The following TRAM2 variants were observed in gnomAD, a reference collection of about 807,000 sequenced individuals.
TRAM2 encodes translocating chain-associated membrane protein 2.
A neutral mutation model predicts 51.0 loss-of-function variants in TRAM2; 12 were observed. That is an observed-to-expected ratio of 0.24 (90% CI 0.15 to 0.38). The LOEUF is 0.38. Ranked by LOEUF, TRAM2 falls within the 10% of genes least tolerant of loss-of-function variation. The pLI is 1.00. For synonymous variants in TRAM2, 175 were observed against 179.4 expected (o/e 0.98, Z 0.20); for missense variants, 361 against 462.0 (o/e 0.78, Z 2.00).
At chr6:52,546,919 G>A (rs145443675) in intron 1 of TRAM2, among the ~76,000 whole-genome samples, 121 of 152,316 alleles carry the variant, frequency 7.9e-4, no homozygotes, top group Non-Finnish European at 1.2e-3. Context: ...CTACAACAGC[G>A]CTTGGCACAT....
intron 2 of TRAM2, among the ~76,000 whole-genome samples, chr6:52,526,550 C>T (rs191381112): frequency 1.3e-5 from 2 of 152,006 alleles, no homozygotes; most frequent in East Asian, 3.9e-4. Context: ...CCACACCCAG[C>T]TAATTTTTTT....
At chr6:52,569,346 C>T (rs1767640182) in intron 1 of TRAM2, among the ~76,000 whole-genome samples, 2 of 147,760 alleles carry the variant, frequency 1.4e-5, no homozygotes. Flanking sequence ...GCCAAGATTG[C>T]ACCACTGTAC....
chr6:52,571,281 G>A (rs1581705334), intron 1 of TRAM2, among the ~76,000 whole-genome samples: 1 of 152,202 alleles, frequency 6.6e-6, no homozygotes, highest in Admixed American at 6.5e-5. Context: ...GGAATGAGAG[G>A]TACATCAGCT....
chr6:52,573,859 G>C (rs1767720597), intron 1 of TRAM2, among the ~76,000 whole-genome samples: 2 of 152,178 alleles, frequency 1.3e-5, no homozygotes, highest in African/African-American at 4.8e-5. Flanking sequence ...GTGGGCTGAT[G>C]GGGGAGAGGG....
At chr6:52,517,971 C>T (rs975012778) in intron 2 of TRAM2, among the ~76,000 whole-genome samples, 1 of 152,170 alleles carries the variant, frequency 6.6e-6, no homozygotes, top group Non-Finnish European at 1.5e-5. Flanking sequence ...CCTTTTTCCT[C>T]TCCCTCTTCC....
At chr6:52,561,983 CTAAAAATCACTGTATCATACACTT>C (rs67973455) in intron 1 of TRAM2, among the ~76,000 whole-genome samples, 65,664 of 150,984 alleles carry the variant, frequency 0.43, 14,458 homozygotes, top group Admixed American at 0.56. Flanking sequence ...GGTGAATACA[CTAAAAATCACTGTATCATACACTT>C]TAAAAATCAC....
rs1291456603 is a variant in TRAM2 at position 52,516,015 on chromosome 6, C to G, written c.402G>C (p.Val134=). 1 of 1,614,028 alleles carries G rather than the reference C, an allele frequency of 6.2e-7. No individual in the cohort carries two copies. Among genetic ancestry groups the G allele is most frequent in the Non-Finnish European group, 8.5e-7 (1 of 1,180,004 alleles). ...CCTGAGAATGGCTCACCGTCACCAC[C>G]ACGTAGAAGCACCAAATCACCGAGG... ...HFTSVIWCFY[V]VVTEGYLTNP... Residue 134 remains valine (V), a synonymous_variant, in exon 4 of 11, where the codon GTG becomes GTC. Transcript: ENST00000182527.
chr6:52,548,300 A>C (rs1241545032), intron 1 of TRAM2, among the ~76,000 whole-genome samples: 5 of 152,230 alleles, frequency 3.3e-5, no homozygotes, highest in Non-Finnish European at 7.3e-5. Flanking sequence ...TCTTCTTTGA[A>C]TATTTACTGC....
chr6:52,509,604 A>AGAGACCGGGCAAGAAG lies in TRAM2; in HGVS notation c.412-19_412-18insCTTCTTGCCCGGTCTC. 3 of 1,613,678 alleles carry AGAGACCGGGCAAGAAG rather than the reference A, an allele frequency of 1.9e-6. No individual in the cohort carries two copies. The highest frequency in any genetic ancestry group is 2.5e-6 in the Non-Finnish European group (3 of 1,179,722). On this transcript the variant is annotated intron_variant, in intron 4 of 10. Transcript: ENST00000182527. ...TATCCTTCCTGCAGTGGGCAAGAAGAGAGACCATTTAGAGATGTGGACGTG... is the reference window on the plus strand; with the variant it reads ...TATCCTTCCTGCAGTGGGCAAGAAGAGAGACCGGGCAAGAAGGAGACCATTTAGAGATGTGGACGTG...
rs914520605 is a variant in TRAM2, at chr6:52,519,883, T to TC, written c.185-3147_185-3146insG. Among the ~76,000 whole-genome samples, 42 of 151,656 alleles carry TC rather than the reference T, an allele frequency of 2.8e-4. 1 individual carries two copies. Among genetic ancestry groups the TC allele is most frequent in the Non-Finnish European group, 8.8e-5 (6 of 67,976 alleles). ...CTCGAGGACATTAGACTAAGTTGAA[T>TC]AAGTCAGTCACAAAAGGACAAATAC... is the stretch of plus-strand genomic sequence containing the variant. On this transcript the variant is annotated intron_variant, in intron 2 of 10. Coordinates refer to ENST00000182527, the MANE Select transcript of TRAM2 (RefSeq NM_012288.4).
chr6:52,505,831 A>C (rs1766337964), intron 8 of TRAM2, 89 bp from the exon 9 acceptor site: 1 of 1,508,374 alleles, frequency 6.6e-7, no homozygotes, highest in Admixed American at 2.2e-5. Flanking sequence ...CCGAGTGGGA[A>C]GAGGATTCAA....
chr6:52,552,635 C>T (rs922130278), intron 1 of TRAM2, among the ~76,000 whole-genome samples: 1 of 152,194 alleles, frequency 6.6e-6, no homozygotes, highest in African/African-American at 2.4e-5. Flanking sequence ...CACGGCTTCA[C>T]TTCCAGGCTC....
At chr6:52,574,528 G>A (rs763806444) in intron 1 of TRAM2, among the ~76,000 whole-genome samples, 1 of 152,192 alleles carries the variant, frequency 6.6e-6, no homozygotes, top group African/African-American at 2.4e-5. Flanking sequence ...CCAAAAGAAG[G>A]AGACACCTGC....
rs1011424292 is a variant in TRAM2, at chr6:52,576,731, G to A, written c.120+65C>T. On this transcript the variant is annotated intron_variant, in intron 1 of 10. Transcript: ENST00000182527. The stretch of plus-strand genomic sequence containing the variant: ...AGAGGAGGGCCCGCTGACCTGCAGG[G>A]GTGTGCCGGGCGGTGCACGACAGGG... 10 of 1,576,272 alleles carry A rather than the reference G, an allele frequency of 6.3e-6. No homozygotes were observed. The South Asian group carries it at 8.0e-5, about 13-fold the overall frequency.
chr6:52,565,366 T>A (rs1383072998), intron 1 of TRAM2, among the ~76,000 whole-genome samples: 2 of 152,118 alleles, frequency 1.3e-5, no homozygotes, highest in Non-Finnish European at 2.9e-5. Flanking sequence ...ACCACTGGAC[T>A]CAGTGAACAG....
At chr6:52,515,511 A>G (rs1191397054) in intron 4 of TRAM2, among the ~76,000 whole-genome samples, 1 of 152,264 alleles carries the variant, frequency 6.6e-6, no homozygotes, top group Non-Finnish European at 1.5e-5. Flanking sequence ...AGGCCAAGGT[A>G]GTAAAACAGA....
At chr6:52,571,407 G>A (rs1003549692) in intron 1 of TRAM2, among the ~76,000 whole-genome samples, 40 of 152,150 alleles carry the variant, frequency 2.6e-4, no homozygotes, top group Admixed American at 1.6e-3. Context: ...ACAAACAGTC[G>A]GGACTAAGGC....
chr6:52,560,455 A>AT (rs1320917356), intron 1 of TRAM2, among the ~76,000 whole-genome samples: 1 of 152,164 alleles, frequency 6.6e-6, no homozygotes, highest in African/African-American at 2.4e-5. Context: ...TTTTTGTCAG[A>AT]TATCAGTCCA....
intron 1 of TRAM2, among the ~76,000 whole-genome samples, chr6:52,538,831 C>A (rs1461503831): frequency 6.6e-6 from 1 of 152,150 alleles, no homozygotes; most frequent in Non-Finnish European, 1.5e-5. Flanking sequence ...TGTCATCATT[C>A]ACATGAATTA....
Sources: gnomAD v4.1 joint callset for allele counts (sites outside exome capture counted in the v4.1 genomes callset) on GRCh38, gnomAD v4.1.1 for gene constraint, MANE v1.5 for transcripts, NCBI Gene and HGNC (gene_info 2026-07-23, HGNC 2026-07-21) for gene names.